PIBF1: variants seen among roughly 807,000 people sequenced by gnomAD.
The protein encoded by PIBF1 is progesterone-induced-blocking factor 1.
A neutral mutation model predicts 112.5 loss-of-function variants in PIBF1; 90 were observed. The observed-to-expected ratio is 0.80, with a 90% CI of 0.67 to 0.95. PIBF1 has a LOEUF of 0.95. Among genes scored for constraint, PIBF1 ranks in the 40% least tolerant of loss-of-function variants. The probability of loss-of-function intolerance (pLI) is 0.00; values close to 1 mark genes in which losing one functional copy is unlikely to be tolerated. For missense variants in PIBF1, 915 were observed against 852.3 expected (o/e 1.07, Z -0.92); for synonymous variants, 301 against 288.6 (o/e 1.04, Z -0.44).
chr13:72,998,258 A>G (rs1475311785), intron 16 of PIBF1, among the ~76,000 whole-genome samples: 1 of 152,224 alleles, frequency 6.6e-6, no homozygotes, highest in Non-Finnish European at 1.5e-5. Flanking sequence ...TAGCTATGCC[A>G]GTGGTTCCCA....
At chr13:72,991,135 T>C (rs9543189) in intron 16 of PIBF1, among the ~76,000 whole-genome samples, 15,628 of 152,278 alleles carry the variant, frequency 0.1, 1,089 homozygotes, top group Non-Finnish European at 0.15. Flanking sequence ...GCATCAACTA[T>C]GCAATACTGT....
At chr13:72,933,140 C>G (rs1475157825) in intron 14 of PIBF1, among the ~76,000 whole-genome samples, 5 of 152,170 alleles carry the variant, frequency 3.3e-5, no homozygotes, top group African/African-American at 1.2e-4. Context: ...TTGTAGATCC[C>G]TCATGTTGCC....
At chr13:72,891,704 A>G (rs867719337) in intron 10 of PIBF1, among the ~76,000 whole-genome samples, 5 of 152,120 alleles carry the variant, frequency 3.3e-5, no homozygotes, top group South Asian at 4.1e-4. Flanking sequence ...TTGTGTTCCT[A>G]GGTATATAAC....
chr13:72,783,614 C>T lies in PIBF1; in HGVS notation c.145C>T (p.Gln49Ter). The T allele has an allele frequency of 6.2e-7, 1 of 1,614,016 alleles. No individual in the cohort carries two copies. Among genetic ancestry groups the T allele is most frequent in the Non-Finnish European group, 8.5e-7 (1 of 1,179,914 alleles). The change falls in exon 2 of 18, where the codon CAG (glutamine) becomes TAG (stop). Residue 49 changes from glutamine (Q) to a stop codon, truncating the protein, a stop_gained. Coordinates refer to ENST00000326291, the MANE Select transcript of PIBF1 (RefSeq NM_006346.4). LOFTEE classifies it high-confidence loss of function. The part of the protein sequence containing the change: ...EREGKVRITR[Q>*]LIERKELLHN... Reference sequence around the variant, plus strand: ...AGAGGGCAAAGTCAGAATCACCAGGCAGCTAATTGAACGAAAAGAACTACT... The same window carrying T: ...AGAGGGCAAAGTCAGAATCACCAGGTAGCTAATTGAACGAAAAGAACTACT...
chr13:72,991,772 G>T (rs1594331386), intron 16 of PIBF1, among the ~76,000 whole-genome samples: 1 of 151,210 alleles, frequency 6.6e-6, no homozygotes, highest in Non-Finnish European at 1.5e-5. Flanking sequence ...AGGCTGGAGT[G>T]CAGTGGCACG....
At chr13:72,800,745 G>A (rs969503357) in intron 5 of PIBF1, among the ~76,000 whole-genome samples, 5 of 152,180 alleles carry the variant, frequency 3.3e-5, no homozygotes, top group Admixed American at 3.3e-4. Context: ...TCTGTGAGAT[G>A]TATATTGTAT....
chr13:72,785,902 G>A (rs1238731646), intron 2 of PIBF1, among the ~76,000 whole-genome samples: 2 of 152,058 alleles, frequency 1.3e-5, no homozygotes, highest in Admixed American at 6.5e-5. Context: ...CTTCTTTTTA[G>A]GTGTAAGCTT....
At position 72,785,588 on chromosome 13, in the gene PIBF1, C is replaced by T. The variant is rs2138318509; in HGVS notation, c.252+1867C>T. Among the ~76,000 whole-genome samples, 2 of 152,282 alleles carry T rather than the reference C, an allele frequency of 1.3e-5. 1 individual carries two copies. Among genetic ancestry groups the T allele is most frequent in the East Asian group, 3.9e-4 (2 of 5,180 alleles). Reference sequence around the variant, plus strand: ...CTCCAAACACTTTCTTTTAGGTACCCTATACAGTCACCTACCTAGTCTAGG... The same window carrying T: ...CTCCAAACACTTTCTTTTAGGTACCTTATACAGTCACCTACCTAGTCTAGG... On this transcript the variant is annotated intron_variant, in intron 2 of 17. Coordinates refer to ENST00000326291, the MANE Select transcript of PIBF1 (RefSeq NM_006346.4).
At chr13:72,923,284 A>T (rs1335976572) in intron 13 of PIBF1, among the ~76,000 whole-genome samples, 1 of 152,236 alleles carries the variant, frequency 6.6e-6, no homozygotes, top group Non-Finnish European at 1.5e-5. Flanking sequence ...TGTATGTAGT[A>T]ATCAGAAATA....
chr13:72,953,686 G>A (rs972137771), intron 14 of PIBF1, among the ~76,000 whole-genome samples: 1 of 152,150 alleles, frequency 6.6e-6, no homozygotes, highest in African/African-American at 2.4e-5. Context: ...GGCAATGCAG[G>A]CAATGGCAAC....
At chr13:72,796,787 C>A (rs1164280455) in intron 4 of PIBF1, among the ~76,000 whole-genome samples, 1 of 151,910 alleles carries the variant, frequency 6.6e-6, no homozygotes, top group Non-Finnish European at 1.5e-5. Context: ...GTGGCAGTTA[C>A]ACATATTTTT....
intron 16 of PIBF1, among the ~76,000 whole-genome samples, chr13:72,986,605 G>T (rs897762141): frequency 2.0e-5 from 3 of 150,962 alleles, no homozygotes; most frequent in Non-Finnish European, 4.4e-5. Flanking sequence ...GCTATCATTC[G>T]TATAAAAGCA....
rs373355270 is a variant in PIBF1 at position 72,886,307 on chromosome 13, A to G, written c.1323-7477A>G. 3.9e-5 allele frequency among the ~76,000 whole-genome samples: 6 copies of G among 151,996 alleles called. No homozygotes were observed. In the South Asian group the frequency reaches 6.2e-4, roughly 16 times the overall value. ...TGCATGAAATAGAGTTTTGAGTGCT[A>G]TGAAGCACTAATATAATAAATACTC... is the stretch of plus-strand genomic sequence containing the variant. On this transcript the variant is annotated intron_variant, in intron 10 of 17. Transcript: ENST00000326291.
At chr13:72,838,511 A>G (rs2037457323) in intron 9 of PIBF1, among the ~76,000 whole-genome samples, 1 of 152,264 alleles carries the variant, frequency 6.6e-6, no homozygotes, top group Non-Finnish European at 1.5e-5. Context: ...GAGAGACTCC[A>G]GGGGTCCCTC....
chr13:72,990,972 A>G (rs1267532448), intron 16 of PIBF1, among the ~76,000 whole-genome samples: 1 of 152,246 alleles, frequency 6.6e-6, no homozygotes, highest in Non-Finnish European at 1.5e-5. Flanking sequence ...ACTAGTCACG[A>G]TGCGTTGTTA....
rs536907553 is a variant in PIBF1 at position 72,989,770 on chromosome 13, G to A, written c.2050-9052G>A. Among the ~76,000 whole-genome samples the A allele has an allele frequency of 2.0e-5, 3 of 152,252 alleles. No homozygotes were observed. In the South Asian group the frequency reaches 6.2e-4, roughly 32 times the overall value. On this transcript the variant is annotated intron_variant, in intron 16 of 17. Transcript: ENST00000326291. Reference sequence around the variant, plus strand: ...ACACTTCAAATGGATGAACTGTGTGGTATGTGAATTATATCTCAGGAACGC... The same window carrying A: ...ACACTTCAAATGGATGAACTGTGTGATATGTGAATTATATCTCAGGAACGC...
intron 12 of PIBF1, 54 bp from the exon 13 acceptor site, chr13:72,917,021 CT>C: frequency 2.6e-6 from 3 of 1,176,042 alleles, no homozygotes; most frequent in East Asian, 5.2e-5. Context: ...CTTCTGCCAT[CT>C]TTTTTAAAGG....
At chr13:72,959,481 C>T (rs1044952046) in intron 14 of PIBF1, among the ~76,000 whole-genome samples, 35 of 152,106 alleles carry the variant, frequency 2.3e-4, no homozygotes, top group African/African-American at 8.0e-4. Flanking sequence ...GTATCACTTG[C>T]ATATATTTTA....
chr13:72,988,601 T>C (rs961148345), intron 16 of PIBF1, among the ~76,000 whole-genome samples: 4 of 152,348 alleles, frequency 2.6e-5, no homozygotes, highest in South Asian at 2.1e-4. Context: ...TTGTTGAGCA[T>C]TTAGAGTGTA....
Sources: gnomAD v4.1 joint callset for allele counts (sites outside exome capture counted in the v4.1 genomes callset) on GRCh38, gnomAD v4.1.1 for gene constraint, MANE v1.5 for transcripts, NCBI Gene and HGNC (gene_info 2026-07-23, HGNC 2026-07-21) for gene names.